The following RYR2 variants were observed in gnomAD, a reference collection of about 807,000 sequenced individuals.
RYR2 encodes ryanodine receptor 2.
Under a neutral mutation model 601.1 loss-of-function variants are expected in RYR2, and 227 were observed. That is an observed-to-expected ratio of 0.38 (90% CI 0.34 to 0.42). The LOEUF (loss-of-function observed/expected upper bound fraction) is 0.42. RYR2 is among the 10% of genes least tolerant of loss of function. RYR2 has a pLI of 1.00. For missense variants in RYR2, 4,646 were observed against 6,156.5 expected (o/e 0.75, Z 8.21); for synonymous variants, 2,223 against 2,175.1 (o/e 1.02, Z -0.61).
chr1:237,602,345 A>G (rs145858124), intron 35 of RYR2, among the ~76,000 whole-genome samples: 71 of 151,976 alleles, frequency 4.7e-4, no homozygotes, highest in Middle Eastern at 3.4e-3. Context: ...GGCCTATAGA[A>G]AAAAAAATGC....
At chr1:237,638,540 T>A (rs755312111) in intron 45 of RYR2, 48 bp downstream of exon 45, 1 of 1,589,086 alleles carries the variant, frequency 6.3e-7, no homozygotes. Flanking sequence ...TAAAACTGCA[T>A]AGAGATATAA....
At chr1:237,579,534 C>T (rs560012332) in intron 29 of RYR2, among the ~76,000 whole-genome samples, 2 of 152,138 alleles carry the variant, frequency 1.3e-5, no homozygotes, top group African/African-American at 4.8e-5. Context: ...GGATTACAGG[C>T]GTGAGCTGCT....
At position 237,718,540 on chromosome 1, in the gene RYR2, T is replaced by C. The variant is rs765815649; in HGVS notation, c.10554+19T>C. ...AGGCAAGGTAAGCCAAATTTTATTC[T>C]TAAGCCACATTTACTACCTATACAT... On this transcript the variant is annotated intron_variant, in intron 73 of 104. Transcript: ENST00000366574. 1.4e-6 allele frequency: 2 copies of C among 1,454,072 alleles called. No individual in the cohort carries two copies. Among genetic ancestry groups the C allele is most frequent in the South Asian group, 2.3e-5 (2 of 86,828 alleles). 90.1% of individuals were successfully genotyped at this position (1,454,072 alleles called of 1,614,324 possible). A position where few individuals can be genotyped will look rare whatever the true frequency, so the allele number is the denominator to read the frequency against.
intron 14 of RYR2, among the ~76,000 whole-genome samples, chr1:237,448,554 T>C (rs1657671013): frequency 6.6e-6 from 1 of 152,202 alleles, no homozygotes; most frequent in African/African-American, 2.4e-5. Flanking sequence ...GTCTCTTTGT[T>C]CTACTAATTA....
intron 100 of RYR2, among the ~76,000 whole-genome samples, chr1:237,811,287 G>T (rs980250359): frequency 6.6e-6 from 1 of 152,080 alleles, no homozygotes; most frequent in Non-Finnish European, 1.5e-5. Flanking sequence ...GCTGAAACTC[G>T]ATGTTACATT....
chr1:237,762,675 C>T (rs1693522003), intron 84 of RYR2, among the ~76,000 whole-genome samples: 1 of 152,140 alleles, frequency 6.6e-6, no homozygotes, highest in Admixed American at 6.5e-5. Context: ...GTGAGAGTGA[C>T]CATTCTGATG....
chr1:237,415,881 G>T (rs530473230), intron 10 of RYR2, among the ~76,000 whole-genome samples: 1 of 152,186 alleles, frequency 6.6e-6, no homozygotes, highest in Non-Finnish European at 1.5e-5. Flanking sequence ...ATGTGGAGGG[G>T]TAAGTAGAGG....
At chr1:237,052,342 C>T (rs1484620469) in intron 1 of RYR2, among the ~76,000 whole-genome samples, 1 of 152,084 alleles carries the variant, frequency 6.6e-6, no homozygotes, top group East Asian at 1.9e-4. Context: ...TGATATTGGG[C>T]TCCAAAACTC....
chr1:237,247,151 T>A (rs1686936352), intron 1 of RYR2, among the ~76,000 whole-genome samples: 1 of 152,234 alleles, frequency 6.6e-6, no homozygotes, highest in African/African-American at 2.4e-5. Flanking sequence ...ATAAACCCTA[T>A]AATGATTTTC....
At chr1:237,772,871 G>A (rs898858098) in intron 86 of RYR2, among the ~76,000 whole-genome samples, 1 of 151,934 alleles carries the variant, frequency 6.6e-6, no homozygotes, top group African/African-American at 2.4e-5. Context: ...AAAATTGTCT[G>A]AAAACCCAAA....
Position 237,457,871 on chromosome 1 carries a change from C to A in RYR2, c.1612+1136C>A, listed in dbSNP as rs114977634. On this transcript the variant is annotated intron_variant, in intron 16 of 104. Coordinates refer to ENST00000366574, the MANE Select transcript of RYR2 (RefSeq NM_001035.3). ...TTCATCCTGTATGTCACAACTGTTA[C>A]ATCACTTCCCTGTTTAGACATTGTT... is the stretch of plus-strand genomic sequence containing the variant. Among the ~76,000 whole-genome samples the A allele has an allele frequency of 4.1e-3, 627 of 152,296 alleles. 2 individuals carry two copies. Among genetic ancestry groups the A allele is most frequent in the African/African-American group, 0.013 (559 of 41,562 alleles).
At chr1:237,469,246 T>C in intron 17 of RYR2, 59 bp downstream of exon 17, 1 of 550,442 alleles carries the variant, frequency 1.8e-6, no homozygotes, top group Admixed American at 3.3e-5. Flanking sequence ...CTTTGCTTCG[T>C]ATCCTTTAAG....
chr1:237,483,517 A>G (rs1202088025), intron 17 of RYR2, among the ~76,000 whole-genome samples: 2 of 152,198 alleles, frequency 1.3e-5, no homozygotes, highest in Non-Finnish European at 2.9e-5. Flanking sequence ...GCTTACATCC[A>G]TGCTTATCAC....
Position 237,610,373 on chromosome 1 carries a change from G to A in RYR2, c.4684-389G>A, listed in dbSNP as rs1302787840. Among the ~76,000 whole-genome samples the A allele has an allele frequency of 3.3e-5, 5 of 152,190 alleles. No homozygotes were observed. The highest frequency in any genetic ancestry group is 3.3e-4 in the Admixed American group (5 of 15,286). On this transcript the variant is annotated intron_variant, in intron 35 of 104. Transcript: ENST00000366574. The surrounding 1 kb of genome is among the most constrained non-coding windows in gnomAD (Gnocchi z 4.9). ...TATTGAGAGAGAGAGCCAGGGGGAT[G>A]TGACATATCTGTCATTCAGGAAGTT...
Position 237,709,547 on chromosome 1 carries a change from A to G in RYR2, c.10210A>G (p.Ile3404Val), listed in dbSNP as rs758642881. The change falls in exon 70 of 105, where the codon ATC (isoleucine) becomes GTC (valine). Residue 3404 changes from isoleucine to valine, a missense_variant. Around this residue, in one of 17 missense-constraint regions of RYR2, gnomAD observed 1,497 missense variants for 1,842.6 expected, o/e 0.81. Transcript: ENST00000366574. ...ELFRMVAEVF[I>V]YWSKSHNFKR... ...CTTCCGCATGGTGGCTGAAGTGTTTATCTACTGGTCGAAGTCCCATGTGAG... is the reference window on the plus strand; with the variant it reads ...CTTCCGCATGGTGGCTGAAGTGTTTGTCTACTGGTCGAAGTCCCATGTGAG... The G allele has an allele frequency of 6.2e-7, 1 of 1,610,186 alleles. No individual in the cohort carries two copies.
intron 1 of RYR2, among the ~76,000 whole-genome samples, chr1:237,227,104 T>A (rs971796452): frequency 6.6e-6 from 1 of 152,086 alleles, no homozygotes; most frequent in African/African-American, 2.4e-5. Flanking sequence ...CAGTTATGCA[T>A]AGAGATCGAA....
rs888876214 is a variant in RYR2, at chr1:237,638,263, G to A, written c.6793-94G>A. 7 of 1,530,902 alleles carry A rather than the reference G, an allele frequency of 4.6e-6. No individual in the cohort carries two copies. The African/African-American group carries it at 8.3e-5, about 18-fold the overall frequency. 94.8% of individuals were successfully genotyped at this position (1,530,902 alleles called of 1,614,324 possible). The stretch of plus-strand genomic sequence containing the variant: ...TTTGCAAAAATGCATTTGTTTAAAA[G>A]CATCCTTTAAGGATGTCATTTATTG... On this transcript the variant is annotated intron_variant, in intron 44 of 104. Coordinates refer to ENST00000366574, the MANE Select transcript of RYR2 (RefSeq NM_001035.3).
intron 1 of RYR2, among the ~76,000 whole-genome samples, chr1:237,125,529 A>G (rs1402108424): frequency 6.6e-6 from 1 of 152,200 alleles, no homozygotes; most frequent in African/African-American, 2.4e-5. Flanking sequence ...TATTATAAGG[A>G]TGCCTTCATT....
intron 23 of RYR2, among the ~76,000 whole-genome samples, chr1:237,508,469 A>AC (rs1455352335): frequency 1.9e-4 from 29 of 151,446 alleles, no homozygotes; most frequent in African/African-American, 5.1e-4. Context: ...TAAAAAAAAA[A>AC]AAACAAACAA....
Sources: gnomAD v4.1 joint callset for allele counts (sites outside exome capture counted in the v4.1 genomes callset) on GRCh38, gnomAD v4.1.1 for gene constraint, gnomAD v4.1.1 regional missense constraint, Gnocchi (gnomAD v3.1) non-coding constraint, MANE v1.5 for transcripts, NCBI Gene and HGNC (gene_info 2026-07-23, HGNC 2026-07-21) for gene names.